Variants in KIF15 observed in about 807,000 individuals in gnomAD.
The protein encoded by KIF15 is kinesin family member 15, also known as kinesin-like protein KIF15.
KIF15 carries 140 observed loss-of-function variants against 190.6 expected under a neutral mutation model. That is an observed-to-expected ratio of 0.73 (90% confidence interval 0.64 to 0.84). The LOEUF (loss-of-function observed/expected upper bound fraction) is 0.84. Among genes scored for constraint, KIF15 ranks in the 40% least tolerant of loss-of-function variants. The pLI, the probability that KIF15 is intolerant of heterozygous loss-of-function variation, is 0.00. For missense variants in KIF15, 1,372 were observed against 1,584.4 expected (o/e 0.87, Z 2.28); for synonymous variants, 528 against 551.3 (o/e 0.96, Z 0.59).
At chr3:44,789,647 TATATATATATATATATA>T (rs1706580149) in intron 7 of KIF15, among the ~76,000 whole-genome samples, 1 of 4,192 alleles carries the variant, frequency 2.4e-4, no homozygotes, top group African/African-American at 7.5e-4. Flanking sequence ...TAATTTTATA[TATATATATATATATATA>T]TATATATATA....
At chr3:44,859,462 C>T (rs1699217941) in intron 6 of KIF15, among the ~76,000 whole-genome samples, 1 of 151,980 alleles carries the variant, frequency 6.6e-6, no homozygotes, top group African/African-American at 2.4e-5. Flanking sequence ...CCCAGGGGTT[C>T]AAGACCAGCC....
rs968758919 is a variant in KIF15, at chr3:44,778,039, G to T, written c.247-76G>T. 6 of 1,230,672 alleles carry T rather than the reference G, an allele frequency of 4.9e-6. No individual in the cohort carries two copies. In the African/African-American group the frequency reaches 7.4e-5, roughly 15 times the overall value. The allele number at this position is 1,230,672 out of a possible 1,614,324, so 76.2% of individuals were successfully genotyped here. A position where few individuals can be genotyped will look rare whatever the true frequency, so the allele number is the denominator to read the frequency against. Reference sequence around the variant, plus strand: ...ATGTTATTACTAAGCAATTTTTGCTGTTACATTGTAGAATGCAATTTAGGA... The same window carrying T: ...ATGTTATTACTAAGCAATTTTTGCTTTTACATTGTAGAATGCAATTTAGGA... On this transcript the variant is annotated intron_variant, in intron 3 of 34. Coordinates refer to ENST00000326047, the MANE Select transcript of KIF15 (RefSeq NM_020242.3).
chr3:44,827,462 A>G lies in KIF15; in HGVS notation c.2790A>G (p.Glu930=), dbSNP rs375011536. ...FEEDKENSSK[E]ILKVLEAVRQ... ...AAAGATAATTATTCTCTTCCAGAGAAATCTTAAAAGTTCTTGAGGCTGTAC... is the reference window on the plus strand; with the variant it reads ...AAAGATAATTATTCTCTTCCAGAGAGATCTTAAAAGTTCTTGAGGCTGTAC... Residue 930 remains glutamate (E), a synonymous_variant, in exon 23 of 35, where the codon GAA becomes GAG. Coordinates refer to ENST00000326047, the MANE Select transcript of KIF15 (RefSeq NM_020242.3). 10 of 1,607,760 alleles carry G rather than the reference A, an allele frequency of 6.2e-6. No individual in the cohort carries two copies. In the African/African-American group the frequency reaches 1.2e-4, roughly 19 times the overall value.
intron 16 of KIF15, among the ~76,000 whole-genome samples, chr3:44,806,873 G>A (rs570325667): frequency 6.6e-6 from 1 of 152,160 alleles, no homozygotes; most frequent in South Asian, 2.1e-4. Flanking sequence ...AGCCTCCCGA[G>A]TAGCTGGGAT....
At chr3:44,856,304 G>A (rs763998548), downstream of KIF15, among the ~76,000 whole-genome samples, 5 of 152,208 alleles carry the variant, frequency 3.3e-5, no homozygotes, top group Admixed American at 6.5e-5. Context: ...AACTTGATGT[G>A]TAGGGAAGGG....
intron 26 of KIF15, among the ~76,000 whole-genome samples, chr3:44,834,979 ATTATG>A (rs909540666): frequency 6.7e-6 from 1 of 148,596 alleles, no homozygotes; most frequent in African/African-American, 2.5e-5. Flanking sequence ...ATTATATAAT[ATTATG>A]TTATAATTAA....
At chr3:44,856,539 G>A (rs186641259), downstream of KIF15, among the ~76,000 whole-genome samples, 2 of 152,212 alleles carry the variant, frequency 1.3e-5, no homozygotes, top group Non-Finnish European at 2.9e-5. Flanking sequence ...CATTTGCCTT[G>A]TGTGGGGAGA....
chr3:44,783,248 A>G (rs1706250580), intron 5 of KIF15, among the ~76,000 whole-genome samples: 1 of 152,200 alleles, frequency 6.6e-6, no homozygotes. Flanking sequence ...TAGAGGAAGC[A>G]TGGCACCAGC....
In KIF15 at chr3:44,798,345, A is replaced by T. The variant is rs1009118378; in HGVS notation, c.1098+389A>T. On this transcript the variant is annotated intron_variant, in intron 10 of 34. Transcript: ENST00000326047. ...GCCAGGCTAATTTTTTTATTTTTTT[A>T]ATTTTTATTTTATTTATTTTTTATT... Among the ~76,000 whole-genome samples the T allele has an allele frequency of 2.8e-5, 4 of 143,264 alleles. No homozygotes were observed. The East Asian group carries it at 6.1e-4, about 22-fold the overall frequency. The allele number at this position is 143,264 out of a possible 152,430, so 94.0% of individuals were successfully genotyped here.
At position 44,865,083 on chromosome 3, in the gene KIF15, T is replaced by C. The variant is rs150556524; in HGVS notation, c.*60-8246T>C. ...CTGTATGGAGAGTGCCAGGAGGTCT[T>C]GTGGTGGGGAGGAGTGTTCCTTATT... On this transcript the variant is annotated intron_variant and NMD_transcript_variant, in intron 6 of 6. Transcript: ENST00000422209. 108 of 1,614,146 alleles carry C rather than the reference T, an allele frequency of 6.7e-5. 1 individual carries two copies. The African/African-American group carries it at 1.2e-3, about 18-fold the overall frequency.
chr3:44,865,036 G>T lies in KIF15; in HGVS notation c.*60-8293G>T, dbSNP rs190177861. 9.3e-5 allele frequency: 150 copies of T among 1,613,866 alleles called. 1 individual carries two copies. In the Admixed American group the frequency reaches 2.5e-3, roughly 27 times the overall value. On this transcript the variant is annotated intron_variant and NMD_transcript_variant, in intron 6 of 6. Transcript: ENST00000422209. The stretch of plus-strand genomic sequence containing the variant: ...AGTCCCTCACAGCTATCTTTGTCTC[G>T]CAGGCCTTCCTGGGCTATGTGCTGT...
chr3:44,773,473 C>G (rs1415522684), intron 1 of KIF15, among the ~76,000 whole-genome samples: 1 of 152,204 alleles, frequency 6.6e-6, no homozygotes, highest in African/African-American at 2.4e-5. Flanking sequence ...CCCCACTTGC[C>G]TGTCCATCCT....
At chr3:44,775,711 C>T (rs1705851116) in intron 3 of KIF15, among the ~76,000 whole-genome samples, 1 of 151,846 alleles carries the variant, frequency 6.6e-6, no homozygotes, top group Non-Finnish European at 1.5e-5. Context: ...GCCTCAGCCT[C>T]CCAAAGTGCT....
At chr3:44,763,982 C>G (rs929275747) in intron 1 of KIF15, among the ~76,000 whole-genome samples, 3 of 152,326 alleles carry the variant, frequency 2.0e-5, no homozygotes, top group Non-Finnish European at 2.9e-5. Flanking sequence ...GCCACTGCAC[C>G]TGGCCTAAGA....
At chr3:44,793,533 A>G (rs1706822213) in intron 7 of KIF15, among the ~76,000 whole-genome samples, 2 of 152,330 alleles carry the variant, frequency 1.3e-5, no homozygotes, top group African/African-American at 2.4e-5. Context: ...TAATGTGGAA[A>G]GGGAACACAA....
At chr3:44,832,280 G>A (rs1389554969) in intron 26 of KIF15, among the ~76,000 whole-genome samples, 1 of 152,204 alleles carries the variant, frequency 6.6e-6, no homozygotes, top group Non-Finnish European at 1.5e-5. Flanking sequence ...GGCAGACTGA[G>A]CCTGTGTAGT....
At chr3:44,836,198 T>C (rs923248203) in intron 26 of KIF15, among the ~76,000 whole-genome samples, 1 of 151,224 alleles carries the variant, frequency 6.6e-6, no homozygotes, top group Non-Finnish European at 1.5e-5. Flanking sequence ...AATACAAAAA[T>C]TAGAAAAATT....
chr3:44,817,178 C>T (rs1708067353), intron 20 of KIF15, among the ~76,000 whole-genome samples: 1 of 152,054 alleles, frequency 6.6e-6, no homozygotes, highest in Non-Finnish European at 1.5e-5. Context: ...AATTTTCTCC[C>T]ATTCTGTAGG....
intron 1 of KIF15, among the ~76,000 whole-genome samples, chr3:44,765,470 T>C (rs1323565089): frequency 1.3e-5 from 2 of 152,222 alleles, no homozygotes; most frequent in African/African-American, 2.4e-5. Context: ...GCTCCAGCTT[T>C]GGATATGCCC....
Sources: gnomAD v4.1 joint callset for allele counts (sites outside exome capture counted in the v4.1 genomes callset) on GRCh38, gnomAD v4.1.1 for gene constraint, MANE v1.5 for transcripts, NCBI Gene and HGNC (gene_info 2026-07-23, HGNC 2026-07-21) for gene names.